The following SYTL5 variants were observed in gnomAD, a reference collection of about 807,000 sequenced individuals.
The protein encoded by SYTL5 is synaptotagmin-like protein 5.
In SYTL5, 34 loss-of-function variants were observed where a neutral mutation model predicts 55.9. The observed-to-expected ratio is 0.61, with a 90% CI of 0.46 to 0.81. The LOEUF (loss-of-function observed/expected upper bound fraction) is 0.81. Among genes scored for constraint, SYTL5 ranks in the 30% least tolerant of loss-of-function variants. The probability of loss-of-function intolerance (pLI) is 0.00; values close to 1 mark genes in which losing one functional copy is unlikely to be tolerated. For synonymous variants in SYTL5, 221 were observed against 188.7 expected, an observed-to-expected ratio of 1.17 and a Z score of -1.40; for missense variants, 637 against 546.7, an observed-to-expected ratio of 1.17 and a Z score of -1.65.
At chrX:38,078,702 T>G (rs754061692) in intron 6 of SYTL5, among the ~76,000 whole-genome samples, 1 of 112,444 alleles carries the variant, frequency 8.9e-6, no homozygotes, top group East Asian at 2.8e-4. Context: ...CGTAATGGAC[T>G]CTATCTGCCT....
intron 13 of SYTL5, among the ~76,000 whole-genome samples, chrX:38,114,155 A>G (rs930398076): frequency 9.1e-6 from 1 of 110,059 alleles, no homozygotes; most frequent in African/African-American, 3.3e-5. Context: ...CCTTGCTACT[A>G]CCTCCCTGTA....
the SYTL5 span, among the ~76,000 whole-genome samples, chrX:37,993,021 T>C: frequency 9.0e-6 from 1 of 111,139 alleles, no homozygotes; most frequent in Non-Finnish European, 1.9e-5. Flanking sequence ...AAAACTGTTC[T>C]CCTCTAAGAG....
chrX:37,946,226 A>T, the SYTL5 span: 246 of 116,675 alleles, frequency 2.1e-3, 1 homozygote, highest in African/African-American at 7.6e-3. Flanking sequence ...TTATGTGTGG[A>T]ACCTATTATT....
At chrX:38,107,732 A>G (rs993820624) in intron 11 of SYTL5, among the ~76,000 whole-genome samples, 1 of 111,713 alleles carries the variant, frequency 9.0e-6, no homozygotes, top group African/African-American at 3.3e-5. Flanking sequence ...TAAATAACTC[A>G]GTGAACCTGG....
the SYTL5 span, among the ~76,000 whole-genome samples, chrX:37,991,691 G>C: frequency 8.9e-6 from 1 of 111,906 alleles, no homozygotes; most frequent in Non-Finnish European, 1.9e-5. Flanking sequence ...TGAAGTCAGA[G>C]GGCGGTGGCC....
chrX:38,074,251 C>A (rs1602369375), intron 5 of SYTL5, among the ~76,000 whole-genome samples: 2 of 111,598 alleles, frequency 1.8e-5, no homozygotes, highest in East Asian at 2.8e-4. Flanking sequence ...CATAAGGGAG[C>A]AAGAAGTTTC....
intron 1 of SYTL5, among the ~76,000 whole-genome samples, chrX:38,012,189 A>T (rs1203507155): frequency 8.9e-6 from 1 of 112,365 alleles, no homozygotes; most frequent in East Asian, 2.8e-4. Flanking sequence ...AATGAATAAG[A>T]ACACGTCTGG....
At chrX:37,991,862 T>C in the SYTL5 span, among the ~76,000 whole-genome samples, 1 of 112,146 alleles carries the variant, frequency 8.9e-6, no homozygotes, top group Non-Finnish European at 1.9e-5. Context: ...CCCTGCCTTA[T>C]TATGAAAGCG....
intron 11 of SYTL5, 135 bp from the exon 12 acceptor site, chrX:38,108,465 T>C (rs1937269563): frequency 2.2e-6 from 1 of 448,708 alleles, no homozygotes; most frequent in Non-Finnish European, 3.9e-6. Flanking sequence ...TATCCTGTTA[T>C]ATAGACAAAA....
At chrX:38,069,370 G>C (rs1050203951) in intron 3 of SYTL5, among the ~76,000 whole-genome samples, 1 of 111,969 alleles carries the variant, frequency 8.9e-6, no homozygotes, top group Admixed American at 9.4e-5. Flanking sequence ...GGCTAGTTGA[G>C]TTCTTTTTTC....
chrX:38,096,339 AG>A (rs1177172649), intron 9 of SYTL5, 105 bp downstream of exon 9: 2 of 406,130 alleles, frequency 4.9e-6, no homozygotes, highest in Non-Finnish European at 8.6e-6. Flanking sequence ...GAGTAAAGAG[AG>A]GATATACAAT....
Position 38,035,227 on chromosome X carries a change from T to C in SYTL5, c.119+1219T>C, listed in dbSNP as rs779457411. Among the ~76,000 whole-genome samples, 128 of 112,340 alleles carry C rather than the reference T, an allele frequency of 1.1e-3. 1 individual carries two copies. The highest frequency in any genetic ancestry group is 3.9e-3 in the African/African-American group (120 of 30,959). ...AATTCAGGTGGCAACAAAATGTAGT[T>C]AATAATTTCAAAGAAATCATGAATA... On this transcript the variant is annotated intron_variant, in intron 2 of 16. Coordinates refer to ENST00000297875, the MANE Select transcript of SYTL5 (RefSeq NM_138780.3).
intron 1 of SYTL5, among the ~76,000 whole-genome samples, chrX:38,012,847 C>A (rs973091431): frequency 8.9e-6 from 1 of 111,800 alleles, no homozygotes; most frequent in African/African-American, 3.2e-5. Context: ...AGGCATTTTT[C>A]CCAACTTTCA....
At chrX:38,009,137 C>T (rs1934092437) in intron 1 of SYTL5, among the ~76,000 whole-genome samples, 1 of 111,857 alleles carries the variant, frequency 8.9e-6, no homozygotes, top group African/African-American at 3.2e-5. Flanking sequence ...TACCACTTCC[C>T]TTCTTGTCTA....
chrX:37,898,986 G>A, the SYTL5 span, among the ~76,000 whole-genome samples: 5 of 111,442 alleles, frequency 4.5e-5, no homozygotes, highest in Admixed American at 9.6e-5. Context: ...CTTGTGTATC[G>A]ATATATTGAA....
chrX:37,902,725 G>T, the SYTL5 span, among the ~76,000 whole-genome samples: 1 of 111,544 alleles, frequency 9.0e-6, no homozygotes, highest in Non-Finnish European at 1.9e-5. Context: ...ACATGACCCA[G>T]GCCAGCCAAT....
At chrX:38,087,809 T>A (rs924308944) in intron 6 of SYTL5, among the ~76,000 whole-genome samples, 21 of 111,225 alleles carry the variant, frequency 1.9e-4, no homozygotes, top group Non-Finnish European at 3.2e-4. Context: ...GAAACTAGAA[T>A]GGTCACAGGC....
the SYTL5 span, among the ~76,000 whole-genome samples, chrX:37,923,487 G>C: frequency 2.7e-5 from 3 of 110,228 alleles, no homozygotes; most frequent in Non-Finnish European, 5.7e-5. Flanking sequence ...TTACAAAGGG[G>C]AAATATGACT....
In SYTL5 at chrX:38,093,683, A is replaced by C. The variant is rs143603044; in HGVS notation, c.832-612A>C. Among the ~76,000 whole-genome samples, 199 of 111,641 alleles carry C rather than the reference A, an allele frequency of 1.8e-3. 3 individuals carry two copies. The highest frequency in any genetic ancestry group is 1.9e-3 in the South Asian group (5 of 2,636). ...TTTATTAACAAGCAGACACCACACA[A>C]AAAAAATAACTATTCCTGTGAGCTT... On this transcript the variant is annotated intron_variant, in intron 7 of 16. Transcript: ENST00000297875.
Sources: gnomAD v4.1 joint callset for allele counts (sites outside exome capture counted in the v4.1 genomes callset) on GRCh38, gnomAD v4.1.1 for gene constraint, MANE v1.5 for transcripts, NCBI Gene and HGNC (gene_info 2026-07-23, HGNC 2026-07-21) for gene names.